Variants in SGCZ observed in about 807,000 individuals in gnomAD.
SGCZ encodes sarcoglycan zeta.
SGCZ carries 40 observed loss-of-function variants against 41.3 expected under a neutral mutation model. That is an observed-to-expected ratio of 0.97 (90% CI 0.75 to 1.26). SGCZ has a LOEUF of 1.26. Ranked by LOEUF, SGCZ falls within the 50% of genes most tolerant of loss-of-function variation. The probability of loss-of-function intolerance (pLI) is 0.00; values close to 1 mark genes in which losing one functional copy is unlikely to be tolerated. For missense variants in SGCZ, 552 were observed against 369.8 expected (o/e 1.49, Z -4.04); for synonymous variants, 206 against 137.5 (o/e 1.50, Z -3.49).
chr8:15,081,113 A>G (rs905850741), intron 1 of SGCZ, among the ~76,000 whole-genome samples: 6 of 152,160 alleles, frequency 3.9e-5, no homozygotes, highest in South Asian at 2.1e-4. Context: ...GCTACTTTGT[A>G]TGGCAACCCT....
intron 2 of SGCZ, among the ~76,000 whole-genome samples, chr8:14,353,628 T>C (rs183329154): frequency 5.0e-4 from 76 of 152,220 alleles, no homozygotes; most frequent in African/African-American, 1.8e-3. Context: ...TTCTTCTACG[T>C]TCTTATCATC....
chr8:15,077,536 G>T (rs1805581812), intron 1 of SGCZ, among the ~76,000 whole-genome samples: 1 of 152,160 alleles, frequency 6.6e-6, no homozygotes, highest in African/African-American at 2.4e-5. Flanking sequence ...TTTTCTAACT[G>T]AAGGAGAAGA....
intron 1 of SGCZ, among the ~76,000 whole-genome samples, chr8:15,195,762 C>G (rs1800704400): frequency 6.6e-6 from 1 of 152,142 alleles, no homozygotes; most frequent in Non-Finnish European, 1.5e-5. Context: ...AAAAACTTAC[C>G]TCCCACATTT....
At chr8:15,111,099 T>C (rs1807032789) in intron 1 of SGCZ, among the ~76,000 whole-genome samples, 1 of 152,142 alleles carries the variant, frequency 6.6e-6, no homozygotes. Flanking sequence ...TTCATAAAGC[T>C]GGATCAGAAG....
chr8:14,934,253 G>A (rs765050534), intron 1 of SGCZ, among the ~76,000 whole-genome samples: 1 of 151,870 alleles, frequency 6.6e-6, no homozygotes, highest in South Asian at 2.1e-4. Flanking sequence ...AGAAAGAATA[G>A]ACAGCAGAAT....
chr8:14,560,580 C>T (rs1804179118), intron 1 of SGCZ, among the ~76,000 whole-genome samples: 2 of 151,980 alleles, frequency 1.3e-5, no homozygotes, highest in Non-Finnish European at 2.9e-5. Flanking sequence ...TTCAGATCAT[C>T]GAATCCCCTT....
chr8:14,928,400 C>G (rs532787965), intron 1 of SGCZ, among the ~76,000 whole-genome samples: 10 of 152,190 alleles, frequency 6.6e-5, no homozygotes, highest in African/African-American at 2.4e-4. Flanking sequence ...GAGTTCTACA[C>G]TAACTGAATA....
At chr8:15,029,448 A>G (rs946243282) in intron 1 of SGCZ, among the ~76,000 whole-genome samples, 1 of 152,102 alleles carries the variant, frequency 6.6e-6, no homozygotes, top group Non-Finnish European at 1.5e-5. Flanking sequence ...GAAAAAGCTT[A>G]AAGATAAATT....
intron 5 of SGCZ, among the ~76,000 whole-genome samples, chr8:14,131,758 T>C (rs1161887887): frequency 1.3e-5 from 2 of 152,190 alleles, no homozygotes; most frequent in South Asian, 2.1e-4. Flanking sequence ...AGATAACATA[T>C]ATGACAGCGA....
At chr8:14,817,972 G>T (rs374249269) in intron 1 of SGCZ, among the ~76,000 whole-genome samples, 1 of 152,072 alleles carries the variant, frequency 6.6e-6, no homozygotes, top group African/African-American at 2.4e-5. Context: ...GAGGCACCTC[G>T]CCCAGATATG....
chr8:14,519,460 C>G (rs1802723135), intron 2 of SGCZ, among the ~76,000 whole-genome samples: 1 of 152,008 alleles, frequency 6.6e-6, no homozygotes, highest in Admixed American at 6.6e-5. Flanking sequence ...ATAAGATAAA[C>G]TATAATATAA....
At chr8:14,889,773 T>G (rs1312498854) in intron 1 of SGCZ, among the ~76,000 whole-genome samples, 2 of 152,100 alleles carry the variant, frequency 1.3e-5, no homozygotes, top group Admixed American at 6.6e-5. Context: ...CTTGCATATT[T>G]TAAATATATT....
intron 1 of SGCZ, among the ~76,000 whole-genome samples, chr8:14,988,889 GA>G (rs1460087083): frequency 3.9e-5 from 6 of 152,122 alleles, no homozygotes; most frequent in Non-Finnish European, 8.8e-5. Flanking sequence ...TCTAACAAAT[GA>G]ATCAATAACA....
chr8:14,649,851 T>C (rs1807340953), intron 1 of SGCZ, among the ~76,000 whole-genome samples: 1 of 152,012 alleles, frequency 6.6e-6, no homozygotes, highest in Non-Finnish European at 1.5e-5. Flanking sequence ...TACAGCTGGA[T>C]GGATCTGAGT....
chr8:14,209,847 T>C (rs200136085), intron 4 of SGCZ, among the ~76,000 whole-genome samples: 1 of 12,330 alleles, frequency 8.1e-5, no homozygotes, highest in African/African-American at 1.6e-3. Context: ...TATGATTAAG[T>C]AAAATATAAC....
At chr8:14,468,913 C>A (rs1801129745) in intron 2 of SGCZ, among the ~76,000 whole-genome samples, 1 of 151,974 alleles carries the variant, frequency 6.6e-6, no homozygotes, top group African/African-American at 2.4e-5. Flanking sequence ...TGTATTAGGC[C>A]TCATGTATAC....
intron 2 of SGCZ, among the ~76,000 whole-genome samples, chr8:14,539,830 T>A (rs189243876): frequency 2.4e-4 from 36 of 152,072 alleles, no homozygotes; most frequent in African/African-American, 7.2e-4. Context: ...TTGCTAAGGA[T>A]AATGGCCTCC....
intron 4 of SGCZ, among the ~76,000 whole-genome samples, chr8:14,231,241 GAGAGAGAGACAC>G (rs1563200085): frequency 5.3e-5 from 8 of 151,180 alleles, no homozygotes; most frequent in African/African-American, 1.9e-4. Context: ...CAGAGAGAGA[GAGAGAGAGACAC>G]AGAGAGAGAG....
chr8:14,248,574 A>G (rs918516347), intron 3 of SGCZ, among the ~76,000 whole-genome samples: 1 of 152,178 alleles, frequency 6.6e-6, no homozygotes, highest in African/African-American at 2.4e-5. Flanking sequence ...TTTAAAGGAC[A>G]TCATATTTAA....
Sources: gnomAD v4.1 joint callset for allele counts (sites outside exome capture counted in the v4.1 genomes callset) on GRCh38, gnomAD v4.1.1 for gene constraint, MANE v1.5 for transcripts, NCBI Gene and HGNC (gene_info 2026-07-23, HGNC 2026-07-21) for gene names.